The following MOSMO variants were observed in gnomAD, a reference collection of about 807,000 sequenced individuals.
MOSMO encodes the protein modulator of smoothened.
MOSMO carries 5 observed loss-of-function variants against 18.4 expected under a neutral mutation model. The ratio of observed to expected loss-of-function variants is 0.27; its 90% CI spans 0.14 to 0.57. The LOEUF (loss-of-function observed/expected upper bound fraction) is 0.57, where lower values mean the gene tolerates loss of function less well. Ranked by LOEUF, MOSMO falls within the 20% of genes least tolerant of loss-of-function variation. The pLI is 0.92. For missense variants in MOSMO, 138 were observed against 211.8 expected, an observed-to-expected ratio of 0.65 and a Z score of 2.16; for synonymous variants, 82 against 82.3, an observed-to-expected ratio of 1.00 and a Z score of 0.02.
At chr16:22,011,790 A>T (rs957942716) in intron 1 of MOSMO, among the ~76,000 whole-genome samples, 8 of 152,188 alleles carry the variant, frequency 5.3e-5, no homozygotes, top group Non-Finnish European at 4.4e-5. Context: ...CTTATCTAGC[A>T]TGTATTTCTT....
At chr16:22,038,236 C>T (rs762110437) in intron 1 of MOSMO, among the ~76,000 whole-genome samples, 2 of 152,148 alleles carry the variant, frequency 1.3e-5, no homozygotes, top group Non-Finnish European at 2.9e-5. Context: ...TTGTTAATAG[C>T]CTTGGAGAGA....
rs552009175 is a variant in MOSMO at position 22,080,547 on chromosome 16, C to G, written c.320-149C>G. ...GTTAGGCTTCAGGGATACTATGTGA[C>G]CTGAAATATATACACATTTTTAACA... On this transcript the variant is annotated intron_variant, in intron 2 of 2. Transcript: ENST00000542527. The G allele has an allele frequency of 1.2e-5, 6 of 505,830 alleles. No individual in the cohort carries two copies. The South Asian group carries it at 1.6e-4, about 13-fold the overall frequency. 31.3% of individuals were successfully genotyped at this position (505,830 alleles called of 1,614,324 possible).
chr16:22,023,306 A>C (rs922617503), intron 1 of MOSMO, among the ~76,000 whole-genome samples: 1 of 152,204 alleles, frequency 6.6e-6, no homozygotes, highest in African/African-American at 2.4e-5. Flanking sequence ...TAGAAACCTC[A>C]TACTCTTTCT....
intron 1 of MOSMO, among the ~76,000 whole-genome samples, chr16:22,055,290 G>T (rs577214487): frequency 1.3e-5 from 2 of 152,198 alleles, no homozygotes; most frequent in South Asian, 4.1e-4. Context: ...TTCTGTGTGT[G>T]TTAGTCAACA....
In MOSMO at chr16:22,075,557, C is replaced by T. The variant is rs899201906; in HGVS notation, c.177C>T (p.Pro59=). 1 of 1,537,278 alleles carries T rather than the reference C, an allele frequency of 6.5e-7. No homozygotes were observed. The highest frequency in any genetic ancestry group is 1.2e-5 in the South Asian group (1 of 84,064). ...IHGRDRTCIP[P]RLPPEWVTTL... The stretch of plus-strand genomic sequence containing the variant: ...GACGAGACCGGACGTGCATCCCTCC[C>T]CGGCTTCCCCCGGAGTGGGTCACCA... Residue 59 remains proline, a synonymous_variant, in exon 2 of 3, where the codon CCC becomes CCT. Coordinates refer to ENST00000542527, the MANE Select transcript of MOSMO (RefSeq NM_001164579.2).
At chr16:22,034,744 G>GTTTTTTTTTTTTTTTTTTTTTTT (rs890874059) in intron 1 of MOSMO, among the ~76,000 whole-genome samples, 1 of 55,466 alleles carries the variant, frequency 1.8e-5, no homozygotes, top group Non-Finnish European at 3.2e-5. Flanking sequence ...GTTTTTTTGG[G>GTTTTTTTTTTTTTTTTTTTTTTT]TTTTTTTTTT....
chr16:22,059,727 C>A (rs919549573), intron 1 of MOSMO, among the ~76,000 whole-genome samples: 4 of 152,118 alleles, frequency 2.6e-5, no homozygotes, highest in Non-Finnish European at 5.9e-5. Flanking sequence ...GGAAATCACC[C>A]CCATGATTCA....
intron 2 of MOSMO, among the ~76,000 whole-genome samples, chr16:22,078,617 A>G (rs1184859815): frequency 1.3e-5 from 2 of 152,244 alleles, no homozygotes; most frequent in African/African-American, 4.8e-5. Flanking sequence ...ACATCTGCAT[A>G]TTCCTAAAGT....
chr16:22,034,760 T>G lies in MOSMO; in HGVS notation c.106+26353T>G, dbSNP rs1470846280. ...TTTTTTTGGGTTTTTTTTTTTTTTT[T>G]TTTTTTTTTTTTTTAAAGACAGGGT... On this transcript the variant is annotated intron_variant, in intron 1 of 2. Transcript: ENST00000542527. 1.1e-3 allele frequency among the ~76,000 whole-genome samples: 153 copies of G among 141,780 alleles called. 1 individual carries two copies. Among genetic ancestry groups the G allele is most frequent in the African/African-American group, 3.8e-3 (147 of 38,398 alleles). The allele number at this position is 141,780 out of a possible 152,430, so 93.0% of individuals were successfully genotyped here.
At chr16:22,037,642 T>G (rs1900133368) in intron 1 of MOSMO, among the ~76,000 whole-genome samples, 1 of 152,152 alleles carries the variant, frequency 6.6e-6, no homozygotes, top group Admixed American at 6.5e-5. Context: ...AAATCAACTT[T>G]CCCATCACCT....
intron 1 of MOSMO, among the ~76,000 whole-genome samples, chr16:22,065,081 G>A (rs1900724253): frequency 1.3e-5 from 2 of 152,184 alleles, no homozygotes; most frequent in Admixed American, 1.3e-4. Flanking sequence ...CTGCTAGTTA[G>A]TATTTAATGT....
intron 1 of MOSMO, among the ~76,000 whole-genome samples, chr16:22,043,362 A>C (rs890215419): frequency 6.6e-6 from 1 of 152,314 alleles, no homozygotes; most frequent in Middle Eastern, 3.4e-3. Context: ...CATTTCTGAC[A>C]TAACTATCAT....
At chr16:22,053,634 C>T (rs1328095043) in intron 1 of MOSMO, among the ~76,000 whole-genome samples, 2 of 152,098 alleles carry the variant, frequency 1.3e-5, no homozygotes, top group Non-Finnish European at 2.9e-5. Flanking sequence ...GAAACCCTTT[C>T]TCTACTAAAA....
At chr16:22,056,365 CTTTTTT>C (rs35642716) in intron 1 of MOSMO, among the ~76,000 whole-genome samples, 6 of 54,614 alleles carry the variant, frequency 1.1e-4, no homozygotes, top group African/African-American at 4.7e-4. Flanking sequence ...TTCTTTCTTT[CTTTTTT>C]TTTTTTTTTT....
At chr16:22,085,938 G>A (rs1019518722), downstream of MOSMO, 7 of 152,126 alleles carry the variant, frequency 4.6e-5, no homozygotes, top group Non-Finnish European at 5.9e-5. Context: ...TTCAAGAAGA[G>A]ATTTTTCACA....
intron 1 of MOSMO, among the ~76,000 whole-genome samples, chr16:22,036,266 A>G (rs1015253054): frequency 1.3e-5 from 2 of 151,960 alleles, no homozygotes; most frequent in African/African-American, 4.8e-5. Context: ...GCTGGGAACC[A>G]TAGGTGCACA....
downstream of MOSMO, chr16:22,087,338 C>A (rs1053970429): frequency 6.6e-6 from 1 of 152,122 alleles, no homozygotes; most frequent in Non-Finnish European, 1.5e-5. Context: ...CTCACTTGGC[C>A]ATTTTACAGC....
At chr16:22,059,155 T>G (rs192950651) in intron 1 of MOSMO, among the ~76,000 whole-genome samples, 1 of 152,340 alleles carries the variant, frequency 6.6e-6, no homozygotes, top group African/African-American at 2.4e-5. Context: ...TGGCCATTCA[T>G]TGATCATCCA....
chr16:22,011,872 G>A (rs1899536502), intron 1 of MOSMO, among the ~76,000 whole-genome samples: 2 of 146,860 alleles, frequency 1.4e-5, no homozygotes, highest in African/African-American at 5.0e-5. Context: ...TTGGTTTACC[G>A]TTGTGCTTGA....
Sources: gnomAD v4.1 joint callset for allele counts (sites outside exome capture counted in the v4.1 genomes callset) on GRCh38, gnomAD v4.1.1 for gene constraint, MANE v1.5 for transcripts, NCBI Gene and HGNC (gene_info 2026-07-23, HGNC 2026-07-21) for gene names.